MYRIP: variants seen among roughly 807,000 people sequenced by gnomAD.
MYRIP encodes rab effector MyRIP.
A neutral mutation model predicts 98.0 loss-of-function variants in MYRIP; 49 were observed. That is an observed-to-expected ratio of 0.50 (90% CI 0.40 to 0.63). MYRIP has a LOEUF of 0.63. MYRIP is among the 30% of genes least tolerant of loss of function. MYRIP has a pLI of 0.00. For missense variants in MYRIP, 1,004 were observed against 1,058.2 expected, an observed-to-expected ratio of 0.95 and a Z score of 0.71; for synonymous variants, 404 against 409.5, an observed-to-expected ratio of 0.99 and a Z score of 0.16.
At chr3:39,838,193 C>G (rs932558453) in intron 1 of MYRIP, among the ~76,000 whole-genome samples, 2 of 90,994 alleles carry the variant, frequency 2.2e-5, no homozygotes, top group African/African-American at 3.0e-5. Context: ...ATTTGAATAC[C>G]CTTTATTTCT....
chr3:40,074,456 A>G (rs1301669717), intron 3 of MYRIP, among the ~76,000 whole-genome samples: 1 of 152,202 alleles, frequency 6.6e-6, no homozygotes, highest in East Asian at 1.9e-4. Context: ...GTACATATTA[A>G]AATTAAAATA....
intron 1 of MYRIP, among the ~76,000 whole-genome samples, chr3:39,820,963 C>T (rs868487718): frequency 6.6e-6 from 1 of 152,274 alleles, no homozygotes; most frequent in African/African-American, 2.4e-5. Flanking sequence ...GCTTTTCCCT[C>T]AGGCTGCTGC....
chr3:39,876,073 T>A (rs539296672), intron 1 of MYRIP, among the ~76,000 whole-genome samples: 1 of 152,346 alleles, frequency 6.6e-6, no homozygotes, highest in African/African-American at 2.4e-5. Context: ...TCTTGTTGAA[T>A]TGATCCCTTT....
chr3:40,216,566 A>G (rs908299404), intron 11 of MYRIP, among the ~76,000 whole-genome samples: 3 of 152,318 alleles, frequency 2.0e-5, no homozygotes, highest in South Asian at 4.1e-4. Flanking sequence ...CATAACTCAT[A>G]TATTTTGTTC....
chr3:40,213,229 G>A (rs138388971), intron 11 of MYRIP, among the ~76,000 whole-genome samples: 1 of 152,276 alleles, frequency 6.6e-6, no homozygotes, highest in East Asian at 1.9e-4. Flanking sequence ...GGTTTTCATT[G>A]TTGATTGAAT....
intron 1 of MYRIP, among the ~76,000 whole-genome samples, chr3:39,851,033 C>A (rs1421346875): frequency 1.3e-5 from 2 of 152,110 alleles, no homozygotes; most frequent in Admixed American, 6.5e-5. Flanking sequence ...GAAACAAAAG[C>A]AGGGGATTGC....
chr3:39,992,268 C>A (rs1946197546), intron 2 of MYRIP, among the ~76,000 whole-genome samples: 1 of 152,182 alleles, frequency 6.6e-6, no homozygotes, highest in South Asian at 2.1e-4. Flanking sequence ...ACTCTTTCCC[C>A]ATGCAATGTA....
At chr3:39,886,330 A>C (rs1267567920) in intron 1 of MYRIP, among the ~76,000 whole-genome samples, 5 of 151,702 alleles carry the variant, frequency 3.3e-5, no homozygotes, top group Non-Finnish European at 5.9e-5. Context: ...TCAAATTCAC[A>C]CATAACAATA....
intron 2 of MYRIP, among the ~76,000 whole-genome samples, chr3:39,936,113 T>C (rs930171416): frequency 6.6e-6 from 1 of 152,242 alleles, no homozygotes; most frequent in Non-Finnish European, 1.5e-5. Context: ...ATATTCATTA[T>C]AGGCTGAAGT....
intron 3 of MYRIP, among the ~76,000 whole-genome samples, chr3:40,143,054 C>T (rs1047991183): frequency 6.6e-6 from 1 of 152,226 alleles, no homozygotes. Flanking sequence ...TGCCTTTGAC[C>T]TGGCTCTCCA....
intron 3 of MYRIP, among the ~76,000 whole-genome samples, chr3:40,143,797 A>G (rs2125564671): frequency 6.6e-6 from 1 of 152,354 alleles, no homozygotes; most frequent in South Asian, 2.1e-4. Flanking sequence ...TGTGACATAA[A>G]GCACATTACT....
At chr3:39,821,193 G>GT (rs1941091437) in intron 1 of MYRIP, among the ~76,000 whole-genome samples, 2 of 152,198 alleles carry the variant, frequency 1.3e-5, no homozygotes, top group South Asian at 4.1e-4. Flanking sequence ...TGCTCTGCAT[G>GT]TTCAGTCAAG....
intron 1 of MYRIP, among the ~76,000 whole-genome samples, chr3:39,844,085 A>C (rs546752443): frequency 6.6e-6 from 1 of 152,164 alleles, no homozygotes; most frequent in Non-Finnish European, 1.5e-5. Flanking sequence ...CCACATAGGC[A>C]TTCAAATAAC....
Position 40,233,967 on chromosome 3 carries a change from G to C in MYRIP, c.2014G>C (p.Val672Leu). The C allele has an allele frequency of 6.2e-7, 1 of 1,613,816 alleles. No homozygotes were observed. The highest frequency in any genetic ancestry group is 8.5e-7 in the Non-Finnish European group (1 of 1,179,926). ...GSTGPWESPQ[V>L]PPDRQKGMFP... ...TACAGGGCCCTGGGAGTCCCCACAA[G>C]TCCCTCCTGACAGACAGAAGGGGAT... Residue 672 changes from valine (V) to leucine (L), a missense_variant, in exon 12 of 17, where the codon GTC (valine) becomes CTC (leucine). Around this residue, in one of 3 missense-constraint regions of MYRIP, gnomAD observed 880 missense variants for 907.7 expected, o/e 0.97. Coordinates refer to ENST00000302541, the MANE Select transcript of MYRIP (RefSeq NM_015460.4).
At chr3:40,240,527 T>G (rs990009924) in intron 12 of MYRIP, among the ~76,000 whole-genome samples, 12 of 152,148 alleles carry the variant, frequency 7.9e-5, no homozygotes, top group Middle Eastern at 3.2e-3. Flanking sequence ...AAGAAAGTGG[T>G]GACAGACGGC....
chr3:40,158,160 G>A (rs1950288128), intron 4 of MYRIP, among the ~76,000 whole-genome samples: 1 of 151,886 alleles, frequency 6.6e-6, no homozygotes, highest in South Asian at 2.1e-4. Flanking sequence ...TCTACACACT[G>A]CTTTGAATGC....
intron 16 of MYRIP, among the ~76,000 whole-genome samples, chr3:40,254,215 A>C (rs11129873): frequency 6.6e-6 from 1 of 152,060 alleles, no homozygotes; most frequent in Non-Finnish European, 1.5e-5. Context: ...AGACAGGTCT[A>C]TGCCTTTCTC....
intron 2 of MYRIP, among the ~76,000 whole-genome samples, chr3:39,988,170 G>A (rs1259201064): frequency 6.6e-6 from 1 of 152,052 alleles, no homozygotes; most frequent in Admixed American, 6.6e-5. Flanking sequence ...TGGGGTGGGG[G>A]AAGGGGGAAA....
intron 2 of MYRIP, among the ~76,000 whole-genome samples, chr3:40,040,047 A>G (rs1947475465): frequency 6.6e-6 from 1 of 152,102 alleles, no homozygotes; most frequent in South Asian, 2.1e-4. Context: ...TTGGATTTAG[A>G]GCTCACTCAT....
Sources: gnomAD v4.1 joint callset for allele counts (sites outside exome capture counted in the v4.1 genomes callset) on GRCh38, gnomAD v4.1.1 for gene constraint, gnomAD v4.1.1 regional missense constraint, MANE v1.5 for transcripts, NCBI Gene and HGNC (gene_info 2026-07-23, HGNC 2026-07-21) for gene names.